Variants in RBFOX1 observed in about 807,000 individuals in gnomAD.
RBFOX1 encodes RNA binding fox-1 homolog 1, also known as RNA binding protein fox-1 homolog 1.
Under a neutral mutation model 57.7 loss-of-function variants are expected in RBFOX1, and 8 were observed. The ratio of observed to expected loss-of-function variants is 0.14; its 90% confidence interval spans 0.08 to 0.25. The LOEUF (loss-of-function observed/expected upper bound fraction) is 0.25. Among genes scored for constraint, RBFOX1 ranks in the 10% least tolerant of loss-of-function variants. RBFOX1 has a pLI of 1.00. For synonymous variants in RBFOX1, 326 were observed against 222.4 expected, an observed-to-expected ratio of 1.47 and a Z score of -4.15; for missense variants, 611 against 548.5, an observed-to-expected ratio of 1.11 and a Z score of -1.14.
chr16:5,875,698 C>T (rs1486443188), intron 4 of RBFOX1, among the ~76,000 whole-genome samples: 2 of 152,140 alleles, frequency 1.3e-5, no homozygotes, highest in African/African-American at 4.8e-5. Flanking sequence ...AGCATCATTC[C>T]TAAGAGTGTT....
intron 4 of RBFOX1, among the ~76,000 whole-genome samples, chr16:7,171,813 C>G (rs1555530697): frequency 6.6e-6 from 1 of 152,124 alleles, no homozygotes; most frequent in Non-Finnish European, 1.5e-5. Flanking sequence ...TGGCCATTGT[C>G]TTTTTTTAGC....
intron 1 of RBFOX1, among the ~76,000 whole-genome samples, chr16:6,214,058 C>G (rs1253518425): frequency 6.6e-6 from 1 of 152,206 alleles, no homozygotes; most frequent in Non-Finnish European, 1.5e-5. Context: ...CCACCCATCT[C>G]TCATACTCAA....
intron 4 of RBFOX1, among the ~76,000 whole-genome samples, chr16:7,160,583 A>C (rs1361454846): frequency 6.6e-6 from 1 of 152,194 alleles, no homozygotes; most frequent in Non-Finnish European, 1.5e-5. Context: ...CAGTTAGCTG[A>C]AAAGTCGTAA....
intron 1 of RBFOX1, among the ~76,000 whole-genome samples, chr16:6,142,933 C>G (rs1465039398): frequency 6.6e-6 from 1 of 152,224 alleles, no homozygotes; most frequent in Non-Finnish European, 1.5e-5. Context: ...CTTCCCTCCT[C>G]TGTTACTCCT....
At chr16:5,570,058 A>G (rs1020142851) in intron 2 of RBFOX1, among the ~76,000 whole-genome samples, 1 of 152,224 alleles carries the variant, frequency 6.6e-6, no homozygotes, top group Non-Finnish European at 1.5e-5. Flanking sequence ...TTTACAGAAG[A>G]GCATTTTATA....
chr16:7,080,639 A>G lies in RBFOX1; in HGVS notation c.27+28541A>G, dbSNP rs190629482. ...CATGTTCTCTTGGGGTACACTCACA[A>G]CTTTATTTTTCTAGCTGCATGCTGC... On this transcript the variant is annotated intron_variant, in intron 4 of 15. Coordinates refer to ENST00000550418, the MANE Select transcript of RBFOX1 (RefSeq NM_018723.4). Among the ~76,000 whole-genome samples, 12 of 152,092 alleles carry G rather than the reference A, an allele frequency of 7.9e-5. No homozygotes were observed. The South Asian group carries it at 1.0e-3, about 13-fold the overall frequency.
intron 3 of RBFOX1, among the ~76,000 whole-genome samples, chr16:6,900,995 G>T (rs1270349475): frequency 6.6e-6 from 1 of 152,162 alleles, no homozygotes; most frequent in African/African-American, 2.4e-5. Context: ...ATTAGAACTA[G>T]AAAGACTTCC....
chr16:6,895,680 G>C (rs76158709), intron 3 of RBFOX1, among the ~76,000 whole-genome samples: 141 of 151,690 alleles, frequency 9.3e-4, no homozygotes, highest in African/African-American at 3.1e-3. Context: ...AAAAGTACCT[G>C]ATGGAAGAAA....
chr16:7,691,304 A>C (rs2077264222), intron 14 of RBFOX1, among the ~76,000 whole-genome samples: 1 of 151,906 alleles, frequency 6.6e-6, no homozygotes, highest in Admixed American at 6.6e-5. Context: ...TTTTGTTCTG[A>C]AACTTAGGGA....
At chr16:5,287,753 G>A (rs374936038) in intron 1 of RBFOX1, among the ~76,000 whole-genome samples, 1 of 152,242 alleles carries the variant, frequency 6.6e-6, no homozygotes, top group African/African-American at 2.4e-5. Flanking sequence ...CAAGTTTTTG[G>A]TCATGCAGAT....
chr16:6,681,829 A>T (rs2058697720), intron 3 of RBFOX1, among the ~76,000 whole-genome samples: 2 of 152,198 alleles, frequency 1.3e-5, no homozygotes, highest in African/African-American at 4.8e-5. Flanking sequence ...CAGCCGGGAT[A>T]CTCTAAAGAC....
intron 5 of RBFOX1, among the ~76,000 whole-genome samples, chr16:7,562,968 A>G (rs1331734484): frequency 6.6e-6 from 1 of 152,186 alleles, no homozygotes; most frequent in African/African-American, 2.4e-5. Flanking sequence ...TCTTCTTTAG[A>G]TGCCATTAAG....
rs138346014 is a variant in RBFOX1 at position 7,187,268 on chromosome 16, A to C, written c.27+135170A>C. On this transcript the variant is annotated intron_variant, in intron 4 of 15. Transcript: ENST00000550418. ...GTAGGAACAAGTAGCATAACACAGG[A>C]TATAAATAATTAAAGTAATTTTTTC... Among the ~76,000 whole-genome samples the C allele has an allele frequency of 2.5e-3, 382 of 152,050 alleles. 1 individual carries two copies. Among genetic ancestry groups the C allele is most frequent in the African/African-American group, 8.7e-3 (358 of 41,320 alleles).
At chr16:5,680,555 T>A (rs1343674348) in intron 3 of RBFOX1, among the ~76,000 whole-genome samples, 1 of 152,174 alleles carries the variant, frequency 6.6e-6, no homozygotes, top group Non-Finnish European at 1.5e-5. Flanking sequence ...CATGGGAGTC[T>A]CTAGACTTCA....
At chr16:5,449,131 C>G (rs1002684838) in intron 1 of RBFOX1, among the ~76,000 whole-genome samples, 10 of 152,236 alleles carry the variant, frequency 6.6e-5, no homozygotes, top group African/African-American at 2.4e-4. Context: ...CCAGACGAGG[C>G]TACCCAAAAG....
intron 2 of RBFOX1, among the ~76,000 whole-genome samples, chr16:5,468,126 C>T (rs1220010144): frequency 6.6e-6 from 1 of 152,240 alleles, no homozygotes; most frequent in African/African-American, 2.4e-5. Flanking sequence ...CAGGTTCCTA[C>T]TGTTGGCTGC....
chr16:5,976,052 G>A lies in RBFOX1; in HGVS notation c.351+108717G>A, dbSNP rs1375013089. Among the ~76,000 whole-genome samples the A allele has an allele frequency of 2.0e-5, 3 of 152,220 alleles. No homozygotes were observed. In the East Asian group the frequency reaches 5.8e-4, roughly 29 times the overall value. On this transcript the variant is annotated intron_variant, in intron 4 of 19. Transcript: ENST00000641259. Reference sequence around the variant, plus strand: ...CTAGCCACTCAGGAGGCTGAGGCAAGAGAATTGCTTGAACCTGGGAGGCGG... The same window carrying A: ...CTAGCCACTCAGGAGGCTGAGGCAAAAGAATTGCTTGAACCTGGGAGGCGG...
intron 3 of RBFOX1, among the ~76,000 whole-genome samples, chr16:5,790,840 A>T (rs1597266839): frequency 1.3e-5 from 2 of 148,332 alleles, no homozygotes; most frequent in African/African-American, 4.9e-5. Context: ...CGTTTTGGGG[A>T]TGTAGATGGT....
intron 4 of RBFOX1, among the ~76,000 whole-genome samples, chr16:7,303,212 A>G (rs1326990325): frequency 1.3e-5 from 2 of 152,200 alleles, no homozygotes; most frequent in African/African-American, 4.8e-5. Context: ...AACCAAGGCG[A>G]GGCACAGAGC....
Sources: gnomAD v4.1 joint callset for allele counts (sites outside exome capture counted in the v4.1 genomes callset) on GRCh38, gnomAD v4.1.1 for gene constraint, MANE v1.5 for transcripts, NCBI Gene and HGNC (gene_info 2026-07-23, HGNC 2026-07-21) for gene names.